CACNA2D3: variants seen among roughly 807,000 people sequenced by gnomAD.
CACNA2D3 encodes the protein calcium voltage-gated channel auxiliary subunit alpha2delta 3.
Under a neutral mutation model 160.6 loss-of-function variants are expected in CACNA2D3, and 60 were observed. The observed-to-expected ratio is 0.37, with a 90% CI of 0.30 to 0.46. CACNA2D3 has a LOEUF of 0.46. Among genes scored for constraint, CACNA2D3 ranks in the 20% least tolerant of loss-of-function variants. The pLI, the probability that CACNA2D3 is intolerant of heterozygous loss-of-function variation, is 1.00. For synonymous variants in CACNA2D3, 558 were observed against 492.9 expected, an observed-to-expected ratio of 1.13 and a Z score of -1.75; for missense variants, 1,205 against 1,365.0, an observed-to-expected ratio of 0.88 and a Z score of 1.85.
At chr3:54,464,855 C>T (rs1439804775) in intron 4 of CACNA2D3, among the ~76,000 whole-genome samples, 2 of 152,190 alleles carry the variant, frequency 1.3e-5, no homozygotes, top group African/African-American at 4.8e-5. Flanking sequence ...AGAAATCACC[C>T]CTCTTCTGCG....
intron 5 of CACNA2D3, among the ~76,000 whole-genome samples, chr3:54,550,718 C>G (rs1200620813): frequency 1.3e-5 from 2 of 152,170 alleles, no homozygotes; most frequent in Non-Finnish European, 2.9e-5. Flanking sequence ...GGGCATGCCC[C>G]TCCCCTTGGC....
intron 11 of CACNA2D3, among the ~76,000 whole-genome samples, chr3:54,752,383 C>A (rs993683293): frequency 2.0e-5 from 3 of 152,166 alleles, no homozygotes; most frequent in African/African-American, 7.2e-5. Context: ...CACCAAAAAA[C>A]AACCACCACC....
At chr3:54,159,502 T>A (rs1700303848) in intron 2 of CACNA2D3, among the ~76,000 whole-genome samples, 1 of 152,200 alleles carries the variant, frequency 6.6e-6, no homozygotes, top group Admixed American at 6.5e-5. Context: ...ATAGCTGAAG[T>A]ATATCCTGTG....
At chr3:54,783,547 A>G (rs1159333873) in intron 13 of CACNA2D3, among the ~76,000 whole-genome samples, 1 of 152,156 alleles carries the variant, frequency 6.6e-6, no homozygotes, top group Non-Finnish European at 1.5e-5. Flanking sequence ...TGGAGGTTGC[A>G]GTGAGCCGAG....
In CACNA2D3 at chr3:54,209,379, TCA is replaced by T. The variant is rs941621106; in HGVS notation, c.204+85789_204+85790del. On this transcript the variant is annotated intron_variant, in intron 2 of 37. Coordinates refer to ENST00000474759, the MANE Select transcript of CACNA2D3 (RefSeq NM_018398.3). ...TGTGTCTGACGATCTTGCTGCAGACTCACACTCTAACTGGGGCTGGGTCTCAT... is the reference window on the plus strand; with the variant it reads ...TGTGTCTGACGATCTTGCTGCAGACTCACTCTAACTGGGGCTGGGTCTCAT... Among the ~76,000 whole-genome samples the T allele has an allele frequency of 1.2e-4, 19 of 152,300 alleles. No individual in the cohort carries two copies. The South Asian group carries it at 2.3e-3, about 18-fold the overall frequency.
intron 10 of CACNA2D3, among the ~76,000 whole-genome samples, chr3:54,635,302 C>T (rs1300757055): frequency 6.6e-6 from 1 of 151,994 alleles, no homozygotes; most frequent in Non-Finnish European, 1.5e-5. Flanking sequence ...GGAAATTCAG[C>T]ATAGTCCTGC....
chr3:54,767,751 C>T (rs1207835603), intron 13 of CACNA2D3, among the ~76,000 whole-genome samples: 2 of 152,030 alleles, frequency 1.3e-5, no homozygotes, highest in African/African-American at 4.8e-5. Flanking sequence ...GTGCTCAAAA[C>T]AATAATGTGG....
At chr3:54,289,269 A>G (rs1703119916) in intron 2 of CACNA2D3, among the ~76,000 whole-genome samples, 1 of 151,856 alleles carries the variant, frequency 6.6e-6, no homozygotes, top group Admixed American at 6.6e-5. Flanking sequence ...AATAACAGAC[A>G]AACAGAGAGC....
chr3:54,926,360 A>G (rs1701017108), intron 27 of CACNA2D3, among the ~76,000 whole-genome samples: 1 of 152,154 alleles, frequency 6.6e-6, no homozygotes, highest in South Asian at 2.1e-4. Flanking sequence ...AAGTTCACAC[A>G]GAGTATTATA....
At chr3:54,806,912 T>C (rs918212127) in intron 13 of CACNA2D3, among the ~76,000 whole-genome samples, 12 of 152,192 alleles carry the variant, frequency 7.9e-5, no homozygotes, top group Non-Finnish European at 1.3e-4. Context: ...TATCTACAAC[T>C]GTCTGATCTT....
At chr3:54,998,040 A>T (rs1349496749) in intron 31 of CACNA2D3, among the ~76,000 whole-genome samples, 2 of 152,006 alleles carry the variant, frequency 1.3e-5, no homozygotes, top group Non-Finnish European at 2.9e-5. Flanking sequence ...CTGTGACTTC[A>T]TCTGTCTGAG....
intron 2 of CACNA2D3, among the ~76,000 whole-genome samples, chr3:54,307,865 A>T (rs1021111044): frequency 1.3e-5 from 2 of 152,224 alleles, no homozygotes; most frequent in East Asian, 1.9e-4. Flanking sequence ...GGCAACTAAT[A>T]TCGTGTGCTA....
At chr3:54,216,462 G>A (rs9840489) in intron 2 of CACNA2D3, among the ~76,000 whole-genome samples, 12,992 of 152,228 alleles carry the variant, frequency 0.085, 1,773 homozygotes, top group African/African-American at 0.29. Context: ...TGGACAGGTT[G>A]TTATCCAGTT....
At chr3:54,673,295 A>G (rs1420476800) in intron 11 of CACNA2D3, among the ~76,000 whole-genome samples, 3 of 152,200 alleles carry the variant, frequency 2.0e-5, no homozygotes, top group Non-Finnish European at 2.9e-5. Context: ...TTATTTGAGT[A>G]GGTTTTGGAA....
intron 27 of CACNA2D3, among the ~76,000 whole-genome samples, chr3:54,929,574 T>C (rs1347676636): frequency 1.3e-5 from 2 of 152,192 alleles, no homozygotes; most frequent in Non-Finnish European, 2.9e-5. Flanking sequence ...AGTATATTCA[T>C]CCTGCCTCTT....
At chr3:54,478,431 G>C (rs1409924122) in intron 4 of CACNA2D3, among the ~76,000 whole-genome samples, 1 of 151,672 alleles carries the variant, frequency 6.6e-6, no homozygotes, top group Non-Finnish European at 1.5e-5. Flanking sequence ...AGGAGATTGA[G>C]ACCATCCTCG....
chr3:55,063,055 G>A (rs925173954), intron 35 of CACNA2D3, among the ~76,000 whole-genome samples: 1 of 152,214 alleles, frequency 6.6e-6, no homozygotes, highest in Non-Finnish European at 1.5e-5. Flanking sequence ...ATGGGAGAAT[G>A]GAGGAAGACA....
At chr3:54,804,688 G>A (rs1464778513) in intron 13 of CACNA2D3, among the ~76,000 whole-genome samples, 5 of 152,154 alleles carry the variant, frequency 3.3e-5, no homozygotes, top group Admixed American at 2.0e-4. Flanking sequence ...ACTCAGCTCT[G>A]CACCAAGCGG....
chr3:54,320,048 G>GT (rs1269966204), intron 2 of CACNA2D3, among the ~76,000 whole-genome samples: 1 of 152,182 alleles, frequency 6.6e-6, no homozygotes, highest in Non-Finnish European at 1.5e-5. Context: ...ACCCATAGGA[G>GT]TTTTGGGATC....
Sources: allele counts gnomAD v4.1 joint callset (sites outside exome capture counted in the v4.1 genomes callset), GRCh38; gene constraint gnomAD v4.1.1; transcripts MANE v1.5; gene names NCBI Gene and HGNC (gene_info 2026-07-23, HGNC 2026-07-21).